GARIN1B: variants seen among roughly 807,000 people sequenced by gnomAD.
The protein encoded by GARIN1B is Golgi-associated RAB2 interactor protein 1B.
At chr7:128,709,752 T>G in the GARIN1B span, among the ~76,000 whole-genome samples, 6 of 8,502 alleles carry the variant, frequency 7.1e-4, no homozygotes, top group African/African-American at 8.9e-4. Context: ...CTCTCTCTCT[T>G]TTTTTTTTTT....
chr7:128,716,967 C>T, the GARIN1B span: 216 of 1,612,802 alleles, frequency 1.3e-4, no homozygotes, highest in East Asian at 4.5e-3. Context: ...TGGAACAGAC[C>T]ATCCATAGCC....
chr7:128,717,432 TTTTC>T, the GARIN1B span, among the ~76,000 whole-genome samples: 5 of 146,126 alleles, frequency 3.4e-5, no homozygotes, highest in Non-Finnish European at 7.5e-5. Context: ...GTCTTTTTCT[TTTTC>T]TTTCTTTCTT....
the GARIN1B span, among the ~76,000 whole-genome samples, chr7:128,724,422 C>T: frequency 6.6e-6 from 1 of 152,138 alleles, no homozygotes; most frequent in Non-Finnish European, 1.5e-5. Flanking sequence ...CCCAAGGTCT[C>T]TGCTTGGACT....
At chr7:128,731,124 C>A in the GARIN1B span, 1 of 1,609,292 alleles carries the variant, frequency 6.2e-7, no homozygotes, top group Non-Finnish European at 8.5e-7. Flanking sequence ...GCCACCCTTC[C>A]GCACTGGGGA....
chr7:128,719,210 A>G, the GARIN1B span: 2 of 786,206 alleles, frequency 2.5e-6, no homozygotes, highest in Non-Finnish European at 4.0e-6. Flanking sequence ...AGCTTTATTG[A>G]GTATCATTTA....
chr7:128,715,280 G>T, the GARIN1B span: 1 of 1,444,108 alleles, frequency 6.9e-7, no homozygotes, highest in Non-Finnish European at 9.0e-7. Context: ...AGGCTCCTTT[G>T]CACTTCCCCT....
the GARIN1B span, among the ~76,000 whole-genome samples, chr7:128,730,651 A>G: frequency 7.5e-6 from 1 of 132,520 alleles, no homozygotes; most frequent in East Asian, 2.8e-4. Context: ...TAAACCACCA[A>G]CTCTTTTTTT....
the GARIN1B span, chr7:128,729,885 T>G: frequency 6.2e-7 from 1 of 1,609,824 alleles, no homozygotes; most frequent in East Asian, 2.2e-5. Context: ...GCAAATGCAT[T>G]TCTTTACTTG....
chr7:128,729,979 T>A, the GARIN1B span: 1 of 1,613,726 alleles, frequency 6.2e-7, no homozygotes, highest in South Asian at 1.1e-5. Flanking sequence ...GTACGGAGAG[T>A]GGGAAAGAGA....
chr7:128,731,354 A>G, the GARIN1B span: 1 of 583,606 alleles, frequency 1.7e-6, no homozygotes, highest in Non-Finnish European at 3.1e-6. Flanking sequence ...ATGTGCTCTC[A>G]GAATGGCCGG....
the GARIN1B span, among the ~76,000 whole-genome samples, chr7:128,720,755 A>C: frequency 2.0e-5 from 3 of 152,210 alleles, no homozygotes; most frequent in Non-Finnish European, 4.4e-5. Context: ...TAGCACCTTC[A>C]TCAAAAATCA....
At chr7:128,728,236 G>A in the GARIN1B span, among the ~76,000 whole-genome samples, 1 of 152,158 alleles carries the variant, frequency 6.6e-6, no homozygotes, top group Non-Finnish European at 1.5e-5. Flanking sequence ...GAGGTTAGGA[G>A]TTCGAGACCA....
the GARIN1B span, among the ~76,000 whole-genome samples, chr7:128,726,505 A>G: frequency 3.9e-5 from 6 of 152,216 alleles, no homozygotes; most frequent in Non-Finnish European, 5.9e-5. Flanking sequence ...TGGCAACAAC[A>G]TGCAACTTAA....
the GARIN1B span, among the ~76,000 whole-genome samples, chr7:128,724,579 A>G: frequency 6.6e-5 from 10 of 152,190 alleles, no homozygotes; most frequent in African/African-American, 2.4e-4. Flanking sequence ...TGGTTGGTTT[A>G]AAAGAGACAG....
the GARIN1B span, chr7:128,715,647 A>C: frequency 6.2e-7 from 1 of 1,613,958 alleles, no homozygotes; most frequent in Non-Finnish European, 8.5e-7. Flanking sequence ...CCAGAATTCA[A>C]CCTGTTTCTT....
At chr7:128,726,892 C>G in the GARIN1B span, 1 of 1,610,910 alleles carries the variant, frequency 6.2e-7, no homozygotes, top group Non-Finnish European at 8.5e-7. Flanking sequence ...GCACAGGGTA[C>G]CATGCCTCAA....
At chr7:128,726,809 G>T in the GARIN1B span, 2 of 1,613,380 alleles carry the variant, frequency 1.2e-6, no homozygotes, top group South Asian at 2.2e-5. Context: ...TCATTTCCTT[G>T]ATCCTGAAAT....
the GARIN1B span, chr7:128,716,765 T>C: frequency 4.5e-5 from 69 of 1,517,808 alleles, no homozygotes; most frequent in African/African-American, 9.2e-4. Flanking sequence ...TGAAACAGAC[T>C]GCAGCTTTTG....
the GARIN1B span, among the ~76,000 whole-genome samples, chr7:128,718,540 G>C: frequency 6.6e-6 from 1 of 152,134 alleles, no homozygotes; most frequent in African/African-American, 2.4e-5. Context: ...ATAGGGTCTA[G>C]GGCACACGAG....
Sources: gnomAD v4.1 joint callset for allele counts (sites outside exome capture counted in the v4.1 genomes callset) on GRCh38, gnomAD v4.1.1 for gene constraint, MANE v1.5 for transcripts, NCBI Gene and HGNC (gene_info 2026-07-23, HGNC 2026-07-21) for gene names.